Variants in AFF3 observed in about 807,000 individuals in gnomAD.
The protein encoded by AFF3 is AF4/FMR2 family member 3.
Under a neutral mutation model 129.7 loss-of-function variants are expected in AFF3, and 32 were observed. The ratio of observed to expected loss-of-function variants is 0.25; its 90% CI spans 0.19 to 0.33. AFF3 has a LOEUF of 0.33. Ranked by LOEUF, AFF3 falls within the 10% of genes least tolerant of loss-of-function variation. The pLI is 1.00. For missense variants in AFF3, 1,373 were observed against 1,592.0 expected (o/e 0.86, Z 2.34); for synonymous variants, 644 against 635.4 (o/e 1.01, Z -0.20).
chr2:100,082,040 T>C (rs1263669721), intron 4 of AFF3, among the ~76,000 whole-genome samples: 1 of 152,208 alleles, frequency 6.6e-6, no homozygotes, highest in Non-Finnish European at 1.5e-5. Context: ...AGTTCTTCCC[T>C]TGATTTAGGG....
intron 2 of AFF3, among the ~76,000 whole-genome samples, chr2:100,117,123 A>T (rs968793629): frequency 6.6e-6 from 1 of 152,038 alleles, no homozygotes; most frequent in Non-Finnish European, 1.5e-5. Flanking sequence ...ATTTCATTTT[A>T]TTCATCTTAT....
At chr2:99,606,749 C>T (rs766456224) in intron 13 of AFF3, among the ~76,000 whole-genome samples, 1 of 151,708 alleles carries the variant, frequency 6.6e-6, no homozygotes, top group African/African-American at 2.4e-5. Context: ...CCCGTCTCTA[C>T]TAAAAATACA....
At chr2:99,896,633 T>C (rs1336158185) in intron 7 of AFF3, among the ~76,000 whole-genome samples, 2 of 113,628 alleles carry the variant, frequency 1.8e-5, no homozygotes, top group African/African-American at 6.7e-5. Context: ...TTTTTTTTTT[T>C]TTTTTTTTTT....
At chr2:100,062,747 A>G (rs1360383424) in intron 4 of AFF3, among the ~76,000 whole-genome samples, 1 of 152,218 alleles carries the variant, frequency 6.6e-6, no homozygotes, top group Non-Finnish European at 1.5e-5. Context: ...TTCTACAATT[A>G]GGATCAACCA....
At chr2:99,865,245 G>T (rs1417392164) in intron 7 of AFF3, among the ~76,000 whole-genome samples, 3 of 152,224 alleles carry the variant, frequency 2.0e-5, no homozygotes, top group Admixed American at 6.5e-5. Context: ...AGGTGTGGGG[G>T]AAAGCAACAG....
chr2:100,071,382 T>G (rs995824976), intron 4 of AFF3, among the ~76,000 whole-genome samples: 1 of 152,218 alleles, frequency 6.6e-6, no homozygotes, highest in African/African-American at 2.4e-5. Context: ...GAGCTTTTTA[T>G]GTGAATAGCA....
intron 13 of AFF3, 63 bp from the exon 14 acceptor site, chr2:99,601,684 A>C: frequency 1.9e-6 from 3 of 1,545,214 alleles, no homozygotes; most frequent in Non-Finnish European, 1.7e-6. Flanking sequence ...AAACAGGAAA[A>C]CACCACCAAG....
chr2:99,843,028 A>G (rs1689437114), intron 7 of AFF3, among the ~76,000 whole-genome samples: 1 of 152,218 alleles, frequency 6.6e-6, no homozygotes, highest in South Asian at 2.1e-4. Flanking sequence ...GCATTTAGAA[A>G]TTGTGTATCC....
rs1011606208 is a variant in AFF3 at position 99,649,554 on chromosome 2, T to C, written c.1184+72A>G. The C allele has an allele frequency of 2.0e-6, 3 of 1,506,540 alleles. No homozygotes were observed. The East Asian group carries it at 6.8e-5, about 34-fold the overall frequency. The allele number at this position is 1,506,540 out of a possible 1,614,324, so 93.3% of individuals were successfully genotyped here. On this transcript the variant is annotated intron_variant, in intron 13 of 24. Coordinates refer to ENST00000672756, the MANE Select transcript of AFF3 (RefSeq NM_001386135.1). Reference sequence around the variant, plus strand: ...TTTAGGGACAAAATCCGATTATGAATTATATGCCACAATAAATAGGGCTCA... The same window carrying C: ...TTTAGGGACAAAATCCGATTATGAACTATATGCCACAATAAATAGGGCTCA...
chr2:100,095,928 G>A (rs1454726023), intron 4 of AFF3, among the ~76,000 whole-genome samples: 1 of 152,176 alleles, frequency 6.6e-6, no homozygotes, highest in Non-Finnish European at 1.5e-5. Flanking sequence ...GGGGATGCAA[G>A]GTCCCCAACT....
chr2:99,716,806 C>T lies in AFF3; in HGVS notation c.1091+10271G>A, dbSNP rs771849218. On this transcript the variant is annotated intron_variant, in intron 11 of 24. Transcript: ENST00000672756. ...GCTGAGGCAGGAGAATCGTTTGAAC[C>T]CAGGAGGCAGAGGCTGCAGTGAGCT... 6.6e-5 allele frequency among the ~76,000 whole-genome samples: 10 copies of T among 151,946 alleles called. No individual in the cohort carries two copies. In the South Asian group the frequency reaches 2.1e-3, roughly 32 times the overall value.
intron 24 of AFF3, among the ~76,000 whole-genome samples, chr2:99,553,917 C>CAAAAAA (rs1674649199): frequency 1.6e-3 from 117 of 72,398 alleles, no homozygotes; most frequent in Non-Finnish European, 2.0e-3. Flanking sequence ...CTGTCTCAAA[C>CAAAAAA]CAAAAAAAAA....
chr2:99,788,512 GAAACT>G (rs755783911), intron 8 of AFF3, among the ~76,000 whole-genome samples: 1 of 152,182 alleles, frequency 6.6e-6, no homozygotes, highest in Non-Finnish European at 1.5e-5. Flanking sequence ...AGGATGTAAA[GAAACT>G]ATTTTTGAAT....
chr2:99,981,313 C>T (rs919909920), intron 7 of AFF3, among the ~76,000 whole-genome samples: 9 of 152,150 alleles, frequency 5.9e-5, no homozygotes, highest in Non-Finnish European at 1.0e-4. Flanking sequence ...CCACCGTGCC[C>T]GGCCCAAAAT....
chr2:99,990,307 G>C (rs1680228155), intron 7 of AFF3, among the ~76,000 whole-genome samples: 2 of 152,232 alleles, frequency 1.3e-5, no homozygotes, highest in East Asian at 3.9e-4. Flanking sequence ...GGATTTACAA[G>C]TCTCTTTTGT....
At chr2:99,849,950 T>C (rs1032127792) in intron 7 of AFF3, among the ~76,000 whole-genome samples, 5 of 152,190 alleles carry the variant, frequency 3.3e-5, no homozygotes, top group African/African-American at 1.2e-4. Flanking sequence ...ATGCTAAGGA[T>C]TCATAAGTGA....
At chr2:99,787,185 G>A (rs1399034826) in intron 8 of AFF3, among the ~76,000 whole-genome samples, 1 of 152,086 alleles carries the variant, frequency 6.6e-6, no homozygotes, top group Non-Finnish European at 1.5e-5. Context: ...GCTGTGTGCT[G>A]GCTCACACCC....
chr2:99,648,917 A>ACACACACACACACACACACACT, intron 13 of AFF3, among the ~76,000 whole-genome samples: 5 of 46,940 alleles, frequency 1.1e-4, no homozygotes, highest in African/African-American at 3.2e-4. Flanking sequence ...ACACACACAC[A>ACACACACACACACACACACACT]CTCTCTCTCT....
At chr2:99,831,072 T>C (rs927026669) in intron 8 of AFF3, among the ~76,000 whole-genome samples, 1 of 152,116 alleles carries the variant, frequency 6.6e-6, no homozygotes, top group Non-Finnish European at 1.5e-5. Flanking sequence ...CTTTGGGATG[T>C]GAGAGGAAAC....
Sources: allele counts gnomAD v4.1 joint callset (sites outside exome capture counted in the v4.1 genomes callset), GRCh38; gene constraint gnomAD v4.1.1; transcripts MANE v1.5; gene names NCBI Gene and HGNC (gene_info 2026-07-23, HGNC 2026-07-21).